The following DARS2 variants were observed in gnomAD, a reference collection of about 807,000 sequenced individuals.
The protein encoded by DARS2 is aspartate--tRNA ligase, mitochondrial.
In DARS2, 63 loss-of-function variants were observed where a neutral mutation model predicts 83.0. The ratio of observed to expected loss-of-function variants is 0.76; its 90% CI spans 0.62 to 0.94. DARS2 has a LOEUF of 0.94. Ranked by LOEUF, DARS2 falls within the 40% of genes least tolerant of loss-of-function variation. DARS2 has a pLI of 0.00. For missense variants in DARS2, 675 were observed against 774.4 expected (o/e 0.87, Z 1.52); for synonymous variants, 250 against 269.3 (o/e 0.93, Z 0.70).
intron 12 of DARS2, among the ~76,000 whole-genome samples, chr1:173,849,462 A>G (rs977917087): frequency 1.0e-4 from 15 of 149,598 alleles, no homozygotes; most frequent in African/African-American, 3.7e-4. Flanking sequence ...TGAACCCGAG[A>G]GGCAGACTGC....
intron 2 of DARS2, among the ~76,000 whole-genome samples, chr1:173,827,859 A>G (rs1652642541): frequency 6.6e-6 from 1 of 152,194 alleles, no homozygotes; most frequent in South Asian, 2.1e-4. Context: ...GTTAGATTGT[A>G]TCTTTTTTTA....
intron 13 of DARS2, chr1:173,851,729 T>C: frequency 5.8e-6 from 3 of 521,594 alleles, no homozygotes; most frequent in Non-Finnish European, 7.4e-6. Flanking sequence ...AAATTTATTT[T>C]TTCACTTTAG....
chr1:173,840,769 C>A, intron 10 of DARS2, 97 bp from the exon 11 acceptor site: 1 of 740,274 alleles, frequency 1.4e-6, no homozygotes, highest in Admixed American at 2.0e-5. Context: ...GTTAAATTAT[C>A]AAGATCTATT....
intron 13 of DARS2, chr1:173,851,817 G>A: frequency 1.0e-6 from 1 of 984,790 alleles, no homozygotes; most frequent in Non-Finnish European, 1.2e-6. Flanking sequence ...ATTTTCATTT[G>A]TCATTGTTTC....
chr1:173,832,662 G>A (rs534178013), intron 5 of DARS2, among the ~76,000 whole-genome samples: 83 of 151,764 alleles, frequency 5.5e-4, no homozygotes, highest in African/African-American at 1.8e-3. Context: ...CCAGCCGCTC[G>A]GGAGGCTGAG....
Position 173,828,401 on chromosome 1 carries a change from T to A in DARS2, c.294+2T>A. The A allele has an allele frequency of 6.3e-7, 1 of 1,596,796 alleles. No homozygotes were observed. The highest frequency in any genetic ancestry group is 8.5e-7 in the Non-Finnish European group (1 of 1,169,996). ...CAAGTTATCATTCCCCAGGATGAGG[T>A]AATAGAAAATTTCCTGTTATTATCT... is the stretch of plus-strand genomic sequence containing the variant. On this transcript the variant is annotated splice_donor_variant, in intron 3 of 16. Coordinates refer to ENST00000649689, the MANE Select transcript of DARS2 (RefSeq NM_018122.5). LOFTEE classifies it high-confidence loss of function.
chr1:173,831,152 T>C (rs1215842716), intron 4 of DARS2, among the ~76,000 whole-genome samples: 1 of 151,796 alleles, frequency 6.6e-6, no homozygotes, highest in Non-Finnish European at 1.5e-5. Context: ...CTTGACCTCA[T>C]GATCTGCCCA....
chr1:173,828,013 T>C (rs1246700851), intron 2 of DARS2, among the ~76,000 whole-genome samples: 1 of 152,196 alleles, frequency 6.6e-6, no homozygotes, highest in Non-Finnish European at 1.5e-5. Flanking sequence ...TGAAATTTCT[T>C]TTAATTGTTC....
intron 5 of DARS2, among the ~76,000 whole-genome samples, chr1:173,832,265 T>C (rs923631707): frequency 6.6e-6 from 1 of 152,094 alleles, no homozygotes; most frequent in Non-Finnish European, 1.5e-5. Context: ...AAGTTCTCAA[T>C]ACTTACGTTT....
intron 15 of DARS2, among the ~76,000 whole-genome samples, chr1:173,854,917 G>A (rs767957428): frequency 6.6e-6 from 1 of 152,144 alleles, no homozygotes; most frequent in Non-Finnish European, 1.5e-5. Context: ...TGTTGGTGAT[G>A]CTGTAGAAGG....
intron 7 of DARS2, among the ~76,000 whole-genome samples, chr1:173,836,113 G>A (rs1652995650): frequency 6.6e-6 from 1 of 151,950 alleles, no homozygotes; most frequent in Non-Finnish European, 1.5e-5. Context: ...CCAGCTACTT[G>A]AGAGGCTGAG....
In DARS2 at chr1:173,858,431, T is replaced by C. The variant is rs1298621755; in HGVS notation, c.*726T>C. The stretch of plus-strand genomic sequence containing the variant: ...AGTACTTTGAAAAACTATAAAGCAT[T>C]CCACAAATATGAGATGATGGTATTA... On this transcript the variant is annotated 3_prime_UTR_variant, in exon 17 of 17. Transcript: ENST00000649689. 2 of 152,230 alleles carry C rather than the reference T, an allele frequency of 1.3e-5. No homozygotes were observed. The highest frequency in any genetic ancestry group is 2.4e-5 in the African/African-American group (1 of 41,442). The allele number at this position is 152,230 out of a possible 1,614,324, so 9.4% of individuals were successfully genotyped here.
intron 11 of DARS2, among the ~76,000 whole-genome samples, chr1:173,844,036 TG>T (rs1385700929): frequency 6.6e-6 from 1 of 152,196 alleles, no homozygotes; most frequent in Non-Finnish European, 1.5e-5. Flanking sequence ...GTAACATTCC[TG>T]GGGGGAAGAG....
chr1:173,830,438 T>C (rs985811911), intron 3 of DARS2, among the ~76,000 whole-genome samples: 1 of 152,234 alleles, frequency 6.6e-6, no homozygotes, highest in African/African-American at 2.4e-5. Flanking sequence ...GGAAAGTTTT[T>C]TTAAAGCTCT....
At chr1:173,832,953 C>A (rs577771440) in intron 5 of DARS2, among the ~76,000 whole-genome samples, 1 of 152,126 alleles carries the variant, frequency 6.6e-6, no homozygotes, top group South Asian at 2.1e-4. Context: ...CCAGGCTGGC[C>A]TCAAACTCCT....
chr1:173,830,783 T>C lies in DARS2; in HGVS notation c.396+22T>C, dbSNP rs761689382. 8.7e-6 allele frequency: 14 copies of C among 1,600,586 alleles called. No homozygotes were observed. In the Admixed American group the frequency reaches 1.5e-4, roughly 17 times the overall value. On this transcript the variant is annotated intron_variant, in intron 4 of 16. Transcript: ENST00000649689. ...TCCAGTAGGTAGTTTCGAAGATATC[T>C]GTGTAATTTTTGCTTGTATGCATTT...
intron 8 of DARS2, among the ~76,000 whole-genome samples, chr1:173,837,742 C>T (rs1399543154): frequency 6.6e-6 from 1 of 151,670 alleles, no homozygotes; most frequent in Non-Finnish European, 1.5e-5. Context: ...ATGTCTAATT[C>T]GATTAAAGCA....
chr1:173,853,168 C>T (rs1458855398), intron 13 of DARS2, among the ~76,000 whole-genome samples, 181 bp from the exon 14 acceptor site: 2 of 152,174 alleles, frequency 1.3e-5, no homozygotes, highest in East Asian at 3.8e-4. Flanking sequence ...GATGATTGTT[C>T]TCAACCTTGT....
chr1:173,852,280 A>C, intron 13 of DARS2: 1 of 983,598 alleles, frequency 1.0e-6, no homozygotes. Context: ...CTTATTAAGC[A>C]CTTAGTATTT....
Sources: gnomAD v4.1 joint callset for allele counts (sites outside exome capture counted in the v4.1 genomes callset) on GRCh38, gnomAD v4.1.1 for gene constraint, MANE v1.5 for transcripts, NCBI Gene and HGNC (gene_info 2026-07-23, HGNC 2026-07-21) for gene names.